The following NFATC4 variants were observed in gnomAD, a reference collection of about 807,000 sequenced individuals.
The protein encoded by NFATC4 is nuclear factor of activated T cells 4, also known as nuclear factor of activated T-cells, cytoplasmic 4.
Under a neutral mutation model 73.4 loss-of-function variants are expected in NFATC4, and 25 were observed. The observed-to-expected ratio is 0.34, with a 90% CI of 0.25 to 0.48. The LOEUF is 0.48. Among genes scored for constraint, NFATC4 ranks in the 20% least tolerant of loss-of-function variants. The pLI is 0.99. For missense variants in NFATC4, 1,130 were observed against 1,203.7 expected, an observed-to-expected ratio of 0.94 and a Z score of 0.91; for synonymous variants, 523 against 510.3, an observed-to-expected ratio of 1.02 and a Z score of -0.34.
At position 24,373,307 on chromosome 14, in the gene NFATC4, C is replaced by A. The variant is rs750238324; in HGVS notation, c.1496C>A (p.Ala499Asp). Residue 499 changes from alanine (A) to aspartate (D), a missense_variant, in exon 4 of 10, where the codon GCC becomes GAC. By Grantham distance (126) the Ala-to-Asp change is moderately radical. Around this residue, in one of 3 missense-constraint regions of NFATC4, gnomAD observed 155 missense variants for 221.2 expected, o/e 0.70. Coordinates refer to ENST00000250373, the MANE Select transcript of NFATC4 (RefSeq NM_004554.5). The surrounding 1 kb of genome is among the most constrained non-coding windows in gnomAD (Gnocchi z 4.7). The stretch of plus-strand genomic sequence containing the variant: ...ATGGTGGCCACGGCCAGCTATGAAG[C>A]CGTAGTCAGTGGCACCAAGGTGTTG... ...GKMVATASYE[A>D]VVSGTKVLEM... is the part of the protein sequence containing the mutation. The A allele has an allele frequency of 6.2e-7, 1 of 1,614,212 alleles. No individual in the cohort carries two copies. The highest frequency in any genetic ancestry group is 8.5e-7 in the Non-Finnish European group (1 of 1,180,040).
Position 24,376,389 on chromosome 14 carries a change from C to T in NFATC4, c.2152C>T (p.Pro718Ser). 1.2e-6 allele frequency: 2 copies of T among 1,613,360 alleles called. No homozygotes were observed. The highest frequency in any genetic ancestry group is 1.1e-5 in the South Asian group (1 of 91,028). Residue 718 changes from proline (P) to serine (S), a missense_variant, in exon 9 of 10, where the codon CCC becomes TCC. Coordinates refer to ENST00000250373, the MANE Select transcript of NFATC4 (RefSeq NM_004554.5). This position sits in a 1 kb window ranked among gnomAD's most constrained non-coding sequence, Gnocchi z 5.0. ...PFGTDMDFSP[P>S]RPPYPSYPHE... is the part of the protein sequence containing the mutation. The stretch of plus-strand genomic sequence containing the variant: ...TGGCACTGACATGGACTTCTCACCA[C>T]CCAGGCCCCCCTACCCCTCCTATCC...
chr14:24,372,372 C>T, intron 2 of NFATC4, 69 bp from the exon 3 acceptor site: 1 of 1,527,030 alleles, frequency 6.5e-7, no homozygotes, highest in Non-Finnish European at 8.9e-7. Flanking sequence ...CCTCCTCCCT[C>T]ACAGATCCAG....
intron 7 of NFATC4, 23 bp downstream of exon 7, chr14:24,375,738 T>A: frequency 1.8e-6 from 1 of 571,084 alleles, no homozygotes; most frequent in Non-Finnish European, 3.0e-6. Context: ...CTTGGATACC[T>A]CCTGGGGGGC....
intron 3 of NFATC4, chr14:24,372,963 C>A (rs943735750): frequency 3.2e-6 from 2 of 622,562 alleles, no homozygotes; most frequent in African/African-American, 1.8e-5. Flanking sequence ...CTTTGCCCAG[C>A]CCACTTTGGG....
chr14:24,367,010 A>T (rs1210350487), upstream of NFATC4: 23 of 1,609,464 alleles, frequency 1.4e-5, no homozygotes, highest in Non-Finnish European at 1.9e-5. Context: ...GAGACTGGAG[A>T]CGCGGCCTCT....
chr14:24,377,814 C>T lies in NFATC4; in HGVS notation c.*109C>T. The T allele has an allele frequency of 1.3e-6, 2 of 1,577,814 alleles. No individual in the cohort carries two copies. Among genetic ancestry groups the T allele is most frequent in the Non-Finnish European group, 8.6e-7 (1 of 1,160,764 alleles). On this transcript the variant is annotated 3_prime_UTR_variant, in exon 10 of 10. Transcript: ENST00000250373. This position sits in a 1 kb window ranked among gnomAD's most constrained non-coding sequence, Gnocchi z 4.2. The stretch of plus-strand genomic sequence containing the variant: ...AGAAGCTTGGGGCCAACCCTGGCTC[C>T]TCTTTCCCCAGCTTCTGTCTGTCTC...
upstream of NFATC4, chr14:24,367,448 A>G (rs2042337444): frequency 2.0e-6 from 3 of 1,535,762 alleles, no homozygotes; most frequent in Non-Finnish European, 2.6e-6. Context: ...GGACAAGGGC[A>G]GCGGCAAAGC....
chr14:24,374,963 C>CT (rs577047146), intron 6 of NFATC4, among the ~76,000 whole-genome samples: 53 of 149,306 alleles, frequency 3.5e-4, no homozygotes, highest in Middle Eastern at 3.4e-3. Flanking sequence ...TCCCTATATT[C>CT]TTTTTTTTTT....
chr14:24,375,746 G>A (rs767488463), intron 7 of NFATC4, 31 bp downstream of exon 7: 10 of 1,523,540 alleles, frequency 6.6e-6, no homozygotes, highest in South Asian at 1.2e-5. Context: ...CCTCCTGGGG[G>A]GCGGGGGTGG....
intron 7 of NFATC4, 38 bp downstream of exon 7, chr14:24,375,753 G>A (rs1196349884): frequency 9.6e-6 from 13 of 1,355,080 alleles, no homozygotes; most frequent in East Asian, 2.4e-5. Context: ...GGGGGCGGGG[G>A]TGGGAGAAGG....
chr14:24,375,845 G>A, intron 7 of NFATC4, 130 bp downstream of exon 7: 1 of 1,533,510 alleles, frequency 6.5e-7, no homozygotes, highest in Admixed American at 1.7e-5. Context: ...GTAAGCAGGT[G>A]CATCTCTAGG....
intron 7 of NFATC4, 44 bp downstream of exon 7, chr14:24,375,759 G>GGGGGGGGGCCC: frequency 3.2e-6 from 2 of 617,006 alleles, no homozygotes; most frequent in Non-Finnish European, 5.9e-6. Context: ...GGGGGTGGGA[G>GGGGGGGGGCCC]AAGGCAGGGG....
At chr14:24,372,836 C>T (rs906086696) in intron 3 of NFATC4, 10 of 622,406 alleles carry the variant, frequency 1.6e-5, no homozygotes, top group Admixed American at 3.0e-5. Flanking sequence ...CTCATGTCTA[C>T]TCTGGAAAAT....
upstream of NFATC4, chr14:24,367,978 C>A (rs1566459306): frequency 3.3e-5 from 35 of 1,050,608 alleles, no homozygotes; most frequent in South Asian, 1.3e-3. Context: ...CTTGAAGGAC[C>A]GTTTTCCAAT....
At position 24,376,142 on chromosome 14, in the gene NFATC4, G is replaced by C; in HGVS notation, c.2056+41G>C. 6.2e-7 allele frequency: 1 copy of C among 1,613,134 alleles called. No homozygotes were observed. The highest frequency in any genetic ancestry group is 1.1e-5 in the South Asian group (1 of 91,028). On this transcript the variant is annotated intron_variant, in intron 8 of 9. Coordinates refer to ENST00000250373, the MANE Select transcript of NFATC4 (RefSeq NM_004554.5). The surrounding 1 kb of genome is among the most constrained non-coding windows in gnomAD (Gnocchi z 5.0). ...GCCCATGGTGGGGGTATAGGGATAT[G>C]GGGAGCTGGAGCAGGAGCAGAGGGA...
chr14:24,372,606 A>AT lies in NFATC4; in HGVS notation c.1359+3_1359+4insT. Reference sequence around the variant, plus strand: ...CTGGCGGTCACCCCGTAGTCAAGGTAAAGGACAGACAGCAGGCCTGATATC... The same window carrying AT: ...CTGGCGGTCACCCCGTAGTCAAGGTATAAGGACAGACAGCAGGCCTGATATC... On this transcript the variant is annotated splice_donor_region_variant and intron_variant, in intron 3 of 9. Transcript: ENST00000250373. 1 of 1,613,894 alleles carries AT rather than the reference A, an allele frequency of 6.2e-7. No homozygotes were observed. The highest frequency in any genetic ancestry group is 8.5e-7 in the Non-Finnish European group (1 of 1,180,024).
Position 24,376,281 on chromosome 14 carries a change from C to T in NFATC4, c.2057-13C>T. Reference sequence around the variant, plus strand: ...CTCTCACCAGCATGTCCTCCCACTTCCTGTCTTCCCAGTGATCTGCAAAGA... The same window carrying T: ...CTCTCACCAGCATGTCCTCCCACTTTCTGTCTTCCCAGTGATCTGCAAAGA... On this transcript the variant is annotated splice_polypyrimidine_tract_variant and intron_variant, in intron 8 of 9. Coordinates refer to ENST00000250373, the MANE Select transcript of NFATC4 (RefSeq NM_004554.5). This position sits in a 1 kb window ranked among gnomAD's most constrained non-coding sequence, Gnocchi z 5.0. 1 of 1,560,432 alleles carries T rather than the reference C, an allele frequency of 6.4e-7. No homozygotes were observed. Among genetic ancestry groups the T allele is most frequent in the East Asian group, 2.2e-5 (1 of 44,508 alleles).
At chr14:24,368,991 C>T (rs2042386800) in intron 1 of NFATC4, 1 of 1,221,696 alleles carries the variant, frequency 8.2e-7, no homozygotes, top group Non-Finnish European at 1.0e-6. Flanking sequence ...ATCACCCCCT[C>T]GGCTGCACCT....
At position 24,376,455 on chromosome 14, in the gene NFATC4, G is replaced by A. The variant is rs774017861; in HGVS notation, c.2218G>A (p.Gly740Ser). The change falls in exon 9 of 10, where the codon GGC becomes AGC. Residue 740 changes from glycine (G) to serine (S), a missense_variant. Transcript: ENST00000250373. The surrounding 1 kb of genome is among the most constrained non-coding windows in gnomAD (Gnocchi z 5.0). ...PACETPYLSE[G>S]FGYGMPPLYP... is the part of the protein sequence containing the mutation. The stretch of plus-strand genomic sequence containing the variant: ...TTGCGAAACTCCTTACCTATCAGAA[G>A]GCTTCGGCTATGGCATGCCCCCTCT... 3.1e-6 allele frequency: 5 copies of A among 1,613,588 alleles called. No homozygotes were observed. The African/African-American group carries it at 5.3e-5, about 17-fold the overall frequency.
Sources: allele counts gnomAD v4.1 joint callset (sites outside exome capture counted in the v4.1 genomes callset), GRCh38; gene constraint gnomAD v4.1.1; regional missense constraint gnomAD v4.1.1; non-coding constraint Gnocchi (gnomAD v3.1); transcripts MANE v1.5; gene names NCBI Gene and HGNC (gene_info 2026-07-23, HGNC 2026-07-21).